The following MMP26 variants were observed in gnomAD, a reference collection of about 807,000 sequenced individuals.
MMP26 encodes matrix metallopeptidase 26.
Under a neutral mutation model 31.0 loss-of-function variants are expected in MMP26, and 33 were observed. The ratio of observed to expected loss-of-function variants is 1.06; its 90% CI spans 0.81 to 1.42. The LOEUF (loss-of-function observed/expected upper bound fraction) is 1.42. MMP26 is among the 40% of genes most tolerant of loss of function. The pLI is 0.00. For missense variants in MMP26, 347 were observed against 316.1 expected (o/e 1.10, Z -0.74); for synonymous variants, 122 against 114.9 (o/e 1.06, Z -0.40).
At chr11:4,885,401 T>G (rs1394506413) in intron 2 of MMP26, among the ~76,000 whole-genome samples, 2 of 152,152 alleles carry the variant, frequency 1.3e-5, no homozygotes, top group Non-Finnish European at 2.9e-5. Flanking sequence ...ACTATAATAT[T>G]AGTATTTTTG....
chr11:4,748,390 A>G (rs978699702), intron 1 of MMP26, among the ~76,000 whole-genome samples: 2 of 152,064 alleles, frequency 1.3e-5, no homozygotes, highest in Non-Finnish European at 2.9e-5. Context: ...TACCAATCCA[A>G]CTAAAACTGT....
At chr11:4,756,555 T>A (rs1176543933) in intron 1 of MMP26, 2 of 151,894 alleles carry the variant, frequency 1.3e-5, no homozygotes, top group Non-Finnish European at 2.9e-5. Flanking sequence ...TTAAGCCGGT[T>A]TTACAAAAAA....
At chr11:4,906,331 A>G (rs1164649075) in intron 2 of MMP26, among the ~76,000 whole-genome samples, 1 of 152,206 alleles carries the variant, frequency 6.6e-6, no homozygotes, top group Non-Finnish European at 1.5e-5. Flanking sequence ...GGAACTTCAT[A>G]AATAACTATA....
intron 2 of MMP26, among the ~76,000 whole-genome samples, chr11:4,959,207 T>C (rs1044023296): frequency 2.6e-4 from 33 of 128,400 alleles, no homozygotes; most frequent in African/African-American, 9.4e-4. Context: ...CACCGCACTC[T>C]AGCCTGGGCG....
intron 2 of MMP26, among the ~76,000 whole-genome samples, chr11:4,881,299 A>G (rs963804387): frequency 1.3e-5 from 2 of 152,110 alleles, no homozygotes; most frequent in African/African-American, 4.8e-5. Flanking sequence ...TGCCTTTATG[A>G]GATATCATTC....
chr11:4,924,038 G>C, intron 2 of MMP26: 1 of 1,614,168 alleles, frequency 6.2e-7, no homozygotes, highest in African/African-American at 1.3e-5. Flanking sequence ...GAAGAGCTGA[G>C]TGAAACAGGC....
At chr11:4,960,441 C>T (rs1360626321) in intron 2 of MMP26, among the ~76,000 whole-genome samples, 1 of 151,704 alleles carries the variant, frequency 6.6e-6, no homozygotes, top group Admixed American at 6.6e-5. Context: ...TGCTCTCTGC[C>T]CAGTCAGGCT....
chr11:4,815,564 A>G (rs904691546), intron 2 of MMP26, among the ~76,000 whole-genome samples: 2 of 150,194 alleles, frequency 1.3e-5, no homozygotes, highest in African/African-American at 4.9e-5. Flanking sequence ...ACAGCAATGA[A>G]GTATAACAAA....
At chr11:4,780,583 G>T (rs1159548998) in intron 2 of MMP26, among the ~76,000 whole-genome samples, 1 of 152,026 alleles carries the variant, frequency 6.6e-6, no homozygotes, top group East Asian at 1.9e-4. Context: ...ATGTAAAAAG[G>T]ATACAGTGAA....
chr11:4,871,715 C>T (rs1461794380), intron 2 of MMP26: 3 of 152,252 alleles, frequency 2.0e-5, no homozygotes, highest in Middle Eastern at 3.4e-3. Flanking sequence ...TCAGAAAAGA[C>T]TCTTGTCTCC....
At chr11:4,803,694 A>C (rs766153826) in intron 2 of MMP26, 1 of 1,613,950 alleles carries the variant, frequency 6.2e-7, no homozygotes, top group South Asian at 1.1e-5. Context: ...AGGGCAACTG[A>C]AGCACAGCTC....
chr11:4,730,236 A>G (rs887509008), intron 1 of MMP26, among the ~76,000 whole-genome samples: 1 of 152,204 alleles, frequency 6.6e-6, no homozygotes, highest in Non-Finnish European at 1.5e-5. Context: ...AGTTCCAGAT[A>G]TAGTCTTAAC....
At chr11:4,861,734 C>T (rs377567903) in intron 2 of MMP26, among the ~76,000 whole-genome samples, 1 of 152,104 alleles carries the variant, frequency 6.6e-6, no homozygotes, top group Admixed American at 6.6e-5. Flanking sequence ...CCAGTTCCTT[C>T]AGGCTCCCTA....
chr11:4,785,738 G>A (rs1848934474), intron 2 of MMP26, among the ~76,000 whole-genome samples: 1 of 152,166 alleles, frequency 6.6e-6, no homozygotes, highest in Admixed American at 6.5e-5. Flanking sequence ...ATAAATGACT[G>A]AAGCAGGAGA....
intron 2 of MMP26, chr11:4,919,213 A>G (rs1324053694): frequency 1.3e-5 from 2 of 152,274 alleles, no homozygotes; most frequent in Admixed American, 6.5e-5. Context: ...CTTTTGGTAG[A>G]CAAAGTCCCT....
intron 2 of MMP26, chr11:4,768,972 T>C (rs1439095927): frequency 3.4e-6 from 5 of 1,489,768 alleles, no homozygotes; most frequent in Non-Finnish European, 4.5e-6. Flanking sequence ...AATAAAACTA[T>C]GTCTGTTCAT....
At chr11:4,718,241 T>C (rs997980095) in intron 1 of MMP26, among the ~76,000 whole-genome samples, 9 of 152,244 alleles carry the variant, frequency 5.9e-5, no homozygotes, top group African/African-American at 2.2e-4. Context: ...AATCACTGCA[T>C]ATATTACTCT....
In MMP26 at chr11:4,828,645, A is replaced by G. The variant is rs922526888; in HGVS notation, c.-145+61304A>G. ...AATAAAGATTAAAGTTTGAATGAAC[A>G]CAACCGTTTAGGGTTATCTTCTCTA... On this transcript the variant is annotated intron_variant, in intron 2 of 7. Coordinates refer to ENST00000380390, the MANE Select transcript of MMP26 (RefSeq NM_021801.5). Among the ~76,000 whole-genome samples, 3 of 152,300 alleles carry G rather than the reference A, an allele frequency of 2.0e-5. No homozygotes were observed. In the East Asian group the frequency reaches 5.8e-4, roughly 29 times the overall value.
intron 2 of MMP26, among the ~76,000 whole-genome samples, chr11:4,837,052 A>C (rs1371298396): frequency 6.6e-6 from 1 of 152,132 alleles, no homozygotes; most frequent in East Asian, 1.9e-4. Context: ...TTGAGAGTTG[A>C]TTGGCAAACA....
Sources: gnomAD v4.1 joint callset for allele counts (sites outside exome capture counted in the v4.1 genomes callset) on GRCh38, gnomAD v4.1.1 for gene constraint, MANE v1.5 for transcripts, NCBI Gene and HGNC (gene_info 2026-07-23, HGNC 2026-07-21) for gene names.